PAX9: variants seen among roughly 807,000 people sequenced by gnomAD.
The protein encoded by PAX9 is paired box 9.
A neutral mutation model predicts 29.1 loss-of-function variants in PAX9; 6 were observed. The observed-to-expected ratio is 0.21, with a 90% CI of 0.11 to 0.41. PAX9 has a LOEUF of 0.41. Ranked by LOEUF, PAX9 falls within the 10% of genes least tolerant of loss-of-function variation. PAX9 has a pLI of 1.00. For synonymous variants in PAX9, 217 were observed against 211.7 expected (o/e 1.03, Z -0.22); for missense variants, 443 against 479.1 (o/e 0.92, Z 0.70).
intron 3 of PAX9, among the ~76,000 whole-genome samples, chr14:36,669,030 A>G (rs574032682): frequency 1.3e-5 from 2 of 152,330 alleles, no homozygotes; most frequent in African/African-American, 4.8e-5. Flanking sequence ...AATCTTCTGC[A>G]TTGCAATGTA....
chr14:36,675,903 C>G (rs1225273286), intron 3 of PAX9, among the ~76,000 whole-genome samples: 2 of 152,174 alleles, frequency 1.3e-5, no homozygotes, highest in Non-Finnish European at 2.9e-5. Flanking sequence ...CTTTTCTCAC[C>G]CTGCACCTCC....
Position 36,672,480 on chromosome 14 carries a change from A to G in PAX9, c.772-3718A>G, listed in dbSNP as rs371406780. 4.6e-5 allele frequency among the ~76,000 whole-genome samples: 7 copies of G among 152,324 alleles called. No individual in the cohort carries two copies. The East Asian group carries it at 7.7e-4, about 17-fold the overall frequency. ...CTTTTTCAGTGATTGCTTCATAAATAACAATTACTTGACCCAGTAGAGATT... is the reference window on the plus strand; with the variant it reads ...CTTTTTCAGTGATTGCTTCATAAATGACAATTACTTGACCCAGTAGAGATT... On this transcript the variant is annotated intron_variant, in intron 3 of 3. Coordinates refer to ENST00000361487, the MANE Select transcript of PAX9 (RefSeq NM_001372076.1).
At chr14:36,669,488 T>C (rs185986109) in intron 3 of PAX9, among the ~76,000 whole-genome samples, 2 of 152,296 alleles carry the variant, frequency 1.3e-5, no homozygotes, top group Admixed American at 6.5e-5. Flanking sequence ...GTGATTGTTA[T>C]TAAATAGTGC....
Position 36,662,028 on chromosome 14 carries a change from G to T in PAX9, c.-62G>T. 3 of 1,553,898 alleles carry T rather than the reference G, an allele frequency of 1.9e-6. No individual in the cohort carries two copies. The highest frequency in any genetic ancestry group is 2.6e-6 in the Non-Finnish European group (3 of 1,149,176). ...AGCAACAGGCCGGGCCACTGAGGCGGTGCGGAAAGTTTCTGTCTGGGAGTG... is the reference window on the plus strand; with the variant it reads ...AGCAACAGGCCGGGCCACTGAGGCGTTGCGGAAAGTTTCTGTCTGGGAGTG... On this transcript the variant is annotated 5_prime_UTR_variant, in exon 1 of 4. Coordinates refer to ENST00000361487, the MANE Select transcript of PAX9 (RefSeq NM_001372076.1).
Position 36,676,486 on chromosome 14 carries a change from T to G in PAX9, c.*34T>G, listed in dbSNP as rs1301903231. The G allele has an allele frequency of 1.2e-6, 2 of 1,605,670 alleles. No individual in the cohort carries two copies. The highest frequency in any genetic ancestry group is 1.7e-6 in the Non-Finnish European group (2 of 1,179,644). The stretch of plus-strand genomic sequence containing the variant: ...TCCGTCTCCAGCAGCTTCACCCGGG[T>G]CTCCCTGTCTCAGCACCTCCTCCCC... On this transcript the variant is annotated 3_prime_UTR_variant, in exon 4 of 4. Coordinates refer to ENST00000361487, the MANE Select transcript of PAX9 (RefSeq NM_001372076.1).
At position 36,663,512 on chromosome 14, in the gene PAX9, T is replaced by A. The variant is rs1354058584; in HGVS notation, c.620T>A (p.Ile207Asn). Reference sequence around the variant, plus strand: ...ACCGACATCCTGGGCATCCGCTCCATCACCGACCAAGGTAGGGGCTCAGAG... The same window carrying A: ...ACCGACATCCTGGGCATCCGCTCCAACACCGACCAAGGTAGGGGCTCAGAG... ...SVTDILGIRSITDQVSDSSPY... is the reference protein window; with the variant it reads ...SVTDILGIRSNTDQVSDSSPY... The change falls in exon 2 of 4, where the codon ATC becomes AAC. Residue 207 changes from isoleucine to asparagine, a missense_variant. By Grantham distance (149) the Ile-to-Asn change is moderately radical (BLOSUM62 -3). Around this residue, in one of 2 missense-constraint regions of PAX9, gnomAD observed 336 missense variants for 317.2 expected, o/e 1.06. Transcript: ENST00000361487. The A allele has an allele frequency of 5.0e-6, 8 of 1,612,864 alleles. No individual in the cohort carries two copies. The South Asian group carries it at 8.8e-5, about 18-fold the overall frequency.
intron 3 of PAX9, among the ~76,000 whole-genome samples, chr14:36,668,485 T>A (rs1398486753): frequency 6.6e-6 from 1 of 152,066 alleles, no homozygotes; most frequent in African/African-American, 2.4e-5. Flanking sequence ...GCCTCCCGGG[T>A]TCAAGCGGTT....
intron 3 of PAX9, 94 bp downstream of exon 3, chr14:36,666,695 C>A: frequency 6.9e-7 from 1 of 1,454,008 alleles, no homozygotes; most frequent in South Asian, 1.2e-5. Context: ...GAGCTTCCCG[C>A]GAGAGAAGCC....
intron 2 of PAX9, chr14:36,665,991 C>A (rs1881472781): frequency 5.7e-6 from 1 of 174,486 alleles, no homozygotes. Flanking sequence ...GCAGTGAGCA[C>A]CAGTGCAGGC....
In PAX9 at chr14:36,662,903, C is replaced by A. The variant is rs1418777481; in HGVS notation, c.11C>A (p.Ala4Asp). ...CTGTGTGTTCATTTTGCAGAGCCAG[C>A]CTTCGGGGAGGTGAACCAGCTGGGA... MEP[A>D]FGEVNQLGGV... Residue 4 changes from alanine to aspartate, a missense_variant, in exon 2 of 4, where the codon GCC becomes GAC. Coordinates refer to ENST00000361487, the MANE Select transcript of PAX9 (RefSeq NM_001372076.1). The A allele has an allele frequency of 6.2e-7, 1 of 1,611,384 alleles. No individual in the cohort carries two copies. Among genetic ancestry groups the A allele is most frequent in the Non-Finnish European group, 8.5e-7 (1 of 1,178,626 alleles).
At chr14:36,672,852 CTTTTTTTTTTTTTTT>C (rs3061562) in intron 3 of PAX9, among the ~76,000 whole-genome samples, 4 of 19,146 alleles carry the variant, frequency 2.1e-4, no homozygotes, top group South Asian at 4.0e-3. Context: ...TTCTTTCTTC[CTTTTTTTTTTTTTTT>C]TTTTTTTTTT....
rs116544491 is a variant in PAX9 at position 36,671,760 on chromosome 14, C to T, written c.772-4438C>T. Reference sequence around the variant, plus strand: ...CTGTATTTTGAACATTTGGAACAAACGAAATTAAAACTTGTACTTTCATTC... The same window carrying T: ...CTGTATTTTGAACATTTGGAACAAATGAAATTAAAACTTGTACTTTCATTC... On this transcript the variant is annotated intron_variant, in intron 3 of 3. Transcript: ENST00000361487. Among the ~76,000 whole-genome samples the T allele has an allele frequency of 4.0e-3, 615 of 152,160 alleles. 3 individuals carry two copies. The highest frequency in any genetic ancestry group is 0.014 in the African/African-American group (581 of 41,528).
chr14:36,661,725 A>C (rs1881273960), upstream of PAX9: 1 of 382,462 alleles, frequency 2.6e-6, no homozygotes, highest in Non-Finnish European at 4.7e-6. Context: ...AGCCTGAAAG[A>C]GACAGCGGAA....
chr14:36,660,671 C>G (rs1040520342), upstream of PAX9, among the ~76,000 whole-genome samples: 4 of 152,152 alleles, frequency 2.6e-5, no homozygotes, highest in African/African-American at 9.7e-5. Context: ...GCACAAGGAG[C>G]CTTCTGGATT....
chr14:36,661,843 G>T, upstream of PAX9: 1 of 580,438 alleles, frequency 1.7e-6, no homozygotes, highest in Non-Finnish European at 3.1e-6. Flanking sequence ...GATAGACGGA[G>T]CCGCCCTGCC....
intron 1 of PAX9, 47 bp downstream of exon 1, chr14:36,662,140 GAGCGAGCGGGCA>G: frequency 9.3e-7 from 1 of 1,078,104 alleles, no homozygotes; most frequent in Non-Finnish European, 1.3e-6. Flanking sequence ...GGGAGGGAGG[GAGCGAGCGGGCA>G]AGGGAGGGAG....
Position 36,678,967 on chromosome 14 carries a change from A to G in PAX9, c.*2515A>G. ...TAACTTTTAAAGATTATTATTGGTTAATGTTGACATATTTCCTCTATCTCA... is the reference window on the plus strand; with the variant it reads ...TAACTTTTAAAGATTATTATTGGTTGATGTTGACATATTTCCTCTATCTCA... On this transcript the variant is annotated 3_prime_UTR_variant, in exon 4 of 4. Transcript: ENST00000361487. The G allele has an allele frequency of 1.0e-6, 1 of 981,760 alleles. No individual in the cohort carries two copies. The allele number at this position is 981,760 out of a possible 1,614,324, so 60.8% of individuals were successfully genotyped here.
chr14:36,658,378 G>GT (rs1881117803), upstream of PAX9, among the ~76,000 whole-genome samples: 1 of 151,956 alleles, frequency 6.6e-6, no homozygotes, highest in South Asian at 2.1e-4. Flanking sequence ...TCGCTTGGGG[G>GT]GGGGGGGTCC....
Position 36,676,866 on chromosome 14 carries a change from A to T in PAX9, c.*414A>T, listed in dbSNP as rs900936536. ...ATTGTTGAGATTTTGCAAAATCAAT[A>T]AAGGAAAATACTTATAGAAAAAATT... On this transcript the variant is annotated 3_prime_UTR_variant, in exon 4 of 4. Transcript: ENST00000361487. The T allele has an allele frequency of 5.2e-5, 12 of 231,268 alleles. No homozygotes were observed. Among genetic ancestry groups the T allele is most frequent in the Non-Finnish European group, 9.5e-5 (11 of 115,282 alleles). The allele number at this position is 231,268 out of a possible 1,614,324, so 14.3% of individuals were successfully genotyped here. A position where few individuals can be genotyped will look rare whatever the true frequency, so the allele number is the denominator to read the frequency against.
Sources: allele counts gnomAD v4.1 joint callset (sites outside exome capture counted in the v4.1 genomes callset), GRCh38; gene constraint gnomAD v4.1.1; regional missense constraint gnomAD v4.1.1; transcripts MANE v1.5; gene names NCBI Gene and HGNC (gene_info 2026-07-23, HGNC 2026-07-21).